Variants in EYS observed in about 807,000 individuals in gnomAD.
The protein encoded by EYS is EGF-like photoreceptor maintenance factor.
Under a neutral mutation model 282.1 loss-of-function variants are expected in EYS, and 250 were observed. That is an observed-to-expected ratio of 0.89 (90% CI 0.80 to 0.98). The LOEUF is 0.98. Ranked by LOEUF, EYS falls within the 50% of genes least tolerant of loss-of-function variation. The pLI is 0.00. For synonymous variants in EYS, 1,355 were observed against 1,282.9 expected, an observed-to-expected ratio of 1.06 and a Z score of -1.20; for missense variants, 4,016 against 3,709.0, an observed-to-expected ratio of 1.08 and a Z score of -2.15.
intron 2 of EYS, among the ~76,000 whole-genome samples, chr6:65,515,192 G>A (rs1388883177): frequency 1.3e-5 from 2 of 151,824 alleles, no homozygotes; most frequent in African/African-American, 4.8e-5. Flanking sequence ...ATGAAAAAAT[G>A]CTCACCATCA....
rs150823632 is a variant in EYS, at chr6:65,395,112, G to A, written c.1184+7366C>T. Among the ~76,000 whole-genome samples, 734 of 152,322 alleles carry A rather than the reference G, an allele frequency of 4.8e-3. 2 individuals carry two copies. The highest frequency in any genetic ancestry group is 0.011 in the African/African-American group (439 of 41,586). On this transcript the variant is annotated intron_variant, in intron 7 of 42. Transcript: ENST00000503581. ...GAGTTTCGCTCTTGTGGCCCAGGCC[G>A]GAGTGCAATGGCGCGATCTTAGCTC... is the stretch of plus-strand genomic sequence containing the variant.
chr6:64,770,684 A>G lies in EYS; in HGVS notation c.3443+42694T>C, dbSNP rs370478494. ...TATGCAACATCACTATCACAGTCAA[A>G]GTGCTCTTTAAAATGCATCATATTT... On this transcript the variant is annotated intron_variant, in intron 22 of 42. Coordinates refer to ENST00000503581, the MANE Select transcript of EYS (RefSeq NM_001142800.2). 3.3e-5 allele frequency among the ~76,000 whole-genome samples: 5 copies of G among 152,066 alleles called. No homozygotes were observed. The East Asian group carries it at 7.7e-4, about 23-fold the overall frequency.
At chr6:64,406,117 T>C (rs546808466) in intron 28 of EYS, among the ~76,000 whole-genome samples, 6 of 152,248 alleles carry the variant, frequency 3.9e-5, no homozygotes, top group African/African-American at 1.4e-4. Flanking sequence ...CAGATATGTA[T>C]AGACCAGTGG....
chr6:65,700,502 T>C (rs1769636109), intron 1 of EYS, among the ~76,000 whole-genome samples: 1 of 152,240 alleles, frequency 6.6e-6, no homozygotes, highest in Admixed American at 6.5e-5. Context: ...TTTTAACTTT[T>C]AAAACTTTTA....
intron 35 of EYS, among the ~76,000 whole-genome samples, chr6:63,948,421 A>G (rs537680492): frequency 5.3e-5 from 8 of 152,328 alleles, no homozygotes; most frequent in Non-Finnish European, 1.0e-4. Context: ...CTTTTGCTCT[A>G]TCATGTAGCT....
intron 22 of EYS, among the ~76,000 whole-genome samples, chr6:64,658,204 T>A (rs1055626256): frequency 8.5e-5 from 13 of 152,234 alleles, no homozygotes; most frequent in Non-Finnish European, 1.8e-4. Context: ...TTCAGCTCCA[T>A]CAGGTCCTTT....
intron 5 of EYS, among the ~76,000 whole-genome samples, chr6:65,486,001 C>A (rs1352797688): frequency 1.3e-5 from 2 of 152,108 alleles, no homozygotes; most frequent in Non-Finnish European, 1.5e-5. Flanking sequence ...AAACAATATT[C>A]AAAAATAAAG....
chr6:64,558,743 G>C (rs777807692), intron 26 of EYS, among the ~76,000 whole-genome samples: 3 of 152,112 alleles, frequency 2.0e-5, no homozygotes, highest in Admixed American at 6.6e-5. Flanking sequence ...AACTTTTTAG[G>C]AAGTTCCTAA....
At chr6:64,281,466 C>A (rs1768307923) in intron 30 of EYS, among the ~76,000 whole-genome samples, 1 of 152,008 alleles carries the variant, frequency 6.6e-6, no homozygotes, top group Admixed American at 6.6e-5. Context: ...CCTAACAAAT[C>A]TGTAAATTTA....
At chr6:64,695,852 TAAAAA>T (rs1355887154) in intron 22 of EYS, among the ~76,000 whole-genome samples, 1 of 151,944 alleles carries the variant, frequency 6.6e-6, no homozygotes, top group African/African-American at 2.4e-5. Flanking sequence ...CAGCCTCACA[TAAAAA>T]AGTGCCATCC....
intron 26 of EYS, among the ~76,000 whole-genome samples, chr6:64,499,151 A>G (rs1347642009): frequency 1.3e-5 from 2 of 152,174 alleles, no homozygotes; most frequent in African/African-American, 4.8e-5. Context: ...AATGGTCACC[A>G]TTCTAACTGG....
intron 12 of EYS, among the ~76,000 whole-genome samples, chr6:65,198,762 A>G (rs543251521): frequency 8.9e-4 from 136 of 152,302 alleles, no homozygotes; most frequent in Non-Finnish European, 1.5e-3. Context: ...TTGGAAAGCT[A>G]TTAATCCAAA....
intron 29 of EYS, among the ~76,000 whole-genome samples, chr6:64,318,653 T>C (rs1371171507): frequency 6.6e-6 from 1 of 151,922 alleles, no homozygotes; most frequent in Non-Finnish European, 1.5e-5. Context: ...TAAGGAACAA[T>C]TTTTTTGGAG....
chr6:65,622,749 A>G (rs530165836), intron 2 of EYS, among the ~76,000 whole-genome samples: 1 of 133,242 alleles, frequency 7.5e-6, no homozygotes, highest in African/African-American at 2.6e-5. Context: ...TATAGGAATA[A>G]TCTTTCTTTT....
At chr6:65,693,690 AG>A (rs1041871355) in intron 1 of EYS, among the ~76,000 whole-genome samples, 23 of 150,232 alleles carry the variant, frequency 1.5e-4, no homozygotes, top group African/African-American at 5.6e-4. Flanking sequence ...GGATAATAGG[AG>A]GAGTAAGAAC....
chr6:63,764,239 A>G (rs981409845), intron 40 of EYS, among the ~76,000 whole-genome samples: 3 of 151,996 alleles, frequency 2.0e-5, no homozygotes, highest in African/African-American at 4.8e-5. Flanking sequence ...TATGTCATAG[A>G]CTTTTATATG....
At chr6:64,093,516 A>G (rs1263199547) in intron 31 of EYS, among the ~76,000 whole-genome samples, 2 of 152,248 alleles carry the variant, frequency 1.3e-5, no homozygotes, top group East Asian at 1.9e-4. Context: ...CTTTGAAGCA[A>G]TTGTGAATGG....
At chr6:64,602,329 C>G (rs1301841976) in intron 24 of EYS, among the ~76,000 whole-genome samples, 1 of 151,966 alleles carries the variant, frequency 6.6e-6, no homozygotes, top group African/African-American at 2.4e-5. Context: ...AGTATTTTTA[C>G]CCATAACTCG....
Position 65,443,422 on chromosome 6 carries a change from G to GCA in EYS, c.863-38056_863-38055insTG, listed in dbSNP as rs371538072. ...TGTATGTACACATATAGCCATATAT[G>GCA]TACATATATGTACACATATAGCCAT... is the stretch of plus-strand genomic sequence containing the variant. On this transcript the variant is annotated intron_variant, in intron 5 of 42. Coordinates refer to ENST00000503581, the MANE Select transcript of EYS (RefSeq NM_001142800.2). Among the ~76,000 whole-genome samples the GCA allele has an allele frequency of 1.3e-3, 147 of 115,126 alleles. 1 individual carries two copies. Among genetic ancestry groups the GCA allele is most frequent in the African/African-American group, 2.8e-3 (102 of 35,964 alleles). 75.5% of individuals were successfully genotyped at this position (115,126 alleles called of 152,430 possible). A position where few individuals can be genotyped will look rare whatever the true frequency, so the allele number is the denominator to read the frequency against.
Sources: allele counts gnomAD v4.1 joint callset (sites outside exome capture counted in the v4.1 genomes callset), GRCh38; gene constraint gnomAD v4.1.1; transcripts MANE v1.5; gene names NCBI Gene and HGNC (gene_info 2026-07-23, HGNC 2026-07-21).